Variants in LRRC3B observed in about 807,000 individuals in gnomAD.
LRRC3B encodes the protein leucine-rich repeat-containing protein 3B.
A neutral mutation model predicts 12.8 loss-of-function variants in LRRC3B; 2 were observed. The observed-to-expected ratio is 0.16, with a 90% CI of 0.06 to 0.49. LRRC3B has a LOEUF of 0.49. Among genes scored for constraint, LRRC3B ranks in the 20% least tolerant of loss-of-function variants. The pLI, the probability that LRRC3B is intolerant of heterozygous loss-of-function variation, is 0.96. For synonymous variants in LRRC3B, 132 were observed against 122.0 expected, an observed-to-expected ratio of 1.08 and a Z score of -0.54; for missense variants, 189 against 319.4, an observed-to-expected ratio of 0.59 and a Z score of 3.11.
chr3:26,710,198 G>A (rs1334251578), exon 2 of LRRC3B: 5 of 1,613,768 alleles, frequency 3.1e-6, no homozygotes, highest in Admixed American at 1.7e-5. Flanking sequence ...TAAAACGTCC[G>A]TGTTGGATGA....
intron 1 of LRRC3B, among the ~76,000 whole-genome samples, chr3:26,689,343 C>T (rs1700145732): frequency 6.6e-6 from 1 of 152,144 alleles, no homozygotes; most frequent in Admixed American, 6.5e-5. Context: ...GCTAGCATCA[C>T]AGGTTCAGTA....
chr3:26,703,426 G>A (rs999741864), intron 1 of LRRC3B, among the ~76,000 whole-genome samples: 1 of 152,052 alleles, frequency 6.6e-6, no homozygotes, highest in South Asian at 2.1e-4. Flanking sequence ...TTGACAGAGA[G>A]ACTCAAAGGC....
At chr3:26,665,219 A>G (rs1307439914) in intron 1 of LRRC3B, among the ~76,000 whole-genome samples, 1 of 152,072 alleles carries the variant, frequency 6.6e-6, no homozygotes, top group Non-Finnish European at 1.5e-5. Context: ...GATCTGAACT[A>G]CCCAGAGCAG....
chr3:26,657,960 C>G lies in LRRC3B; in HGVS notation c.-161+34723C>G, dbSNP rs576223475. ...GAGAAAATCAGTGAGAGATTGGATA[C>G]CTTTAGTGACAGAATAATTGCTGCA... is the stretch of plus-strand genomic sequence containing the variant. On this transcript the variant is annotated intron_variant, in intron 1 of 1. Coordinates refer to ENST00000396641, the Ensembl canonical transcript of LRRC3B. 4.6e-5 allele frequency among the ~76,000 whole-genome samples: 7 copies of G among 152,282 alleles called. No homozygotes were observed. In the South Asian group the frequency reaches 1.0e-3, roughly 23 times the overall value.
At chr3:26,682,170 C>T (rs760291508) in intron 1 of LRRC3B, among the ~76,000 whole-genome samples, 43 of 152,206 alleles carry the variant, frequency 2.8e-4, no homozygotes, top group Middle Eastern at 3.4e-3. Flanking sequence ...AGAGCAAAAC[C>T]GCGAATAAGA....
chr3:26,687,191 C>A (rs575590666), intron 1 of LRRC3B, among the ~76,000 whole-genome samples: 43 of 152,192 alleles, frequency 2.8e-4, no homozygotes, highest in South Asian at 1.9e-3. Context: ...TCTCTCCCTG[C>A]CATTCTACAT....
intron 1 of LRRC3B, among the ~76,000 whole-genome samples, chr3:26,688,102 A>G (rs1358599781): frequency 6.6e-6 from 1 of 152,218 alleles, no homozygotes; most frequent in East Asian, 1.9e-4. Context: ...TTTTATAATA[A>G]CAGATTAATA....
Position 26,662,484 on chromosome 3 carries a change from C to A in LRRC3B, c.-161+39247C>A, listed in dbSNP as rs973683614. Among the ~76,000 whole-genome samples the A allele has an allele frequency of 3.9e-5, 6 of 152,248 alleles. No individual in the cohort carries two copies. In the South Asian group the frequency reaches 8.3e-4, roughly 21 times the overall value. Reference sequence around the variant, plus strand: ...TCCTGCTATACCCTGGCAGCCCCAGCCCCTCCTCTGAAATCTCTCTACCGC... The same window carrying A: ...TCCTGCTATACCCTGGCAGCCCCAGACCCTCCTCTGAAATCTCTCTACCGC... On this transcript the variant is annotated intron_variant, in intron 1 of 1. Transcript: ENST00000396641.
At chr3:26,678,880 C>T (rs1372463179) in intron 1 of LRRC3B, among the ~76,000 whole-genome samples, 1 of 152,078 alleles carries the variant, frequency 6.6e-6, no homozygotes, top group Non-Finnish European at 1.5e-5. Flanking sequence ...TGTACCTTTT[C>T]TCTTTCTCAT....
intron 1 of LRRC3B, among the ~76,000 whole-genome samples, chr3:26,704,733 T>C (rs1700543364): frequency 6.6e-6 from 1 of 152,164 alleles, no homozygotes; most frequent in Non-Finnish European, 1.5e-5. Flanking sequence ...TTATCATTCT[T>C]TTGTAAGGAT....
chr3:26,659,916 G>A (rs900053814), intron 1 of LRRC3B, among the ~76,000 whole-genome samples: 1 of 152,170 alleles, frequency 6.6e-6, no homozygotes, highest in Non-Finnish European at 1.5e-5. Flanking sequence ...GTTTCATGAG[G>A]AAAGTAATTT....
chr3:26,655,044 A>G (rs943364227), intron 1 of LRRC3B, among the ~76,000 whole-genome samples: 2 of 152,074 alleles, frequency 1.3e-5, no homozygotes, highest in African/African-American at 4.8e-5. Flanking sequence ...TTATCAATCT[A>G]CTTATTTAGC....
chr3:26,646,612 A>C (rs147702502), intron 1 of LRRC3B, among the ~76,000 whole-genome samples: 27,272 of 74,906 alleles, frequency 0.36, 3,932 homozygotes, highest in African/African-American at 0.43. Context: ...AAAAAAAAAA[A>C]AAAAAAAAAA....
chr3:26,638,143 C>T (rs573473313), intron 1 of LRRC3B, among the ~76,000 whole-genome samples: 56 of 152,184 alleles, frequency 3.7e-4, no homozygotes, highest in African/African-American at 1.3e-3. Flanking sequence ...ATGCATCTTC[C>T]GCCTTTCATG....
At chr3:26,699,363 G>A (rs1480891126) in intron 1 of LRRC3B, among the ~76,000 whole-genome samples, 1 of 152,102 alleles carries the variant, frequency 6.6e-6, no homozygotes, top group Non-Finnish European at 1.5e-5. Context: ...GTAACTGTGA[G>A]ACCAATGAGG....
intron 1 of LRRC3B, among the ~76,000 whole-genome samples, chr3:26,678,400 A>G (rs963563230): frequency 6.6e-6 from 1 of 152,106 alleles, no homozygotes; most frequent in Non-Finnish European, 1.5e-5. Context: ...AGGCTGAGGT[A>G]GGAGAATAGC....
chr3:26,655,069 C>G (rs1447315946), intron 1 of LRRC3B, among the ~76,000 whole-genome samples: 1 of 152,120 alleles, frequency 6.6e-6, no homozygotes, highest in Non-Finnish European at 1.5e-5. Context: ...ATCTGTCTAT[C>G]TGTCTGTCTG....
intron 1 of LRRC3B, among the ~76,000 whole-genome samples, chr3:26,638,365 G>A (rs77062186): frequency 6.6e-6 from 1 of 152,174 alleles, no homozygotes; most frequent in East Asian, 1.9e-4. Context: ...TCTGTTGCCT[G>A]CCTTTTAAAT....
chr3:26,646,102 G>C (rs1473962446), intron 1 of LRRC3B, among the ~76,000 whole-genome samples: 1 of 152,146 alleles, frequency 6.6e-6, no homozygotes, highest in Admixed American at 6.5e-5. Flanking sequence ...CATAATGTAG[G>C]CCACCTCATC....
Sources: allele counts gnomAD v4.1 joint callset (sites outside exome capture counted in the v4.1 genomes callset), GRCh38; gene constraint gnomAD v4.1.1; transcripts MANE v1.5; gene names NCBI Gene and HGNC (gene_info 2026-07-23, HGNC 2026-07-21).